Variants in CSMD1 observed in about 807,000 individuals in gnomAD.
The protein encoded by CSMD1 is CUB and Sushi multiple domains 1.
In CSMD1, 213 loss-of-function variants were observed where a neutral mutation model predicts 417.5. That is an observed-to-expected ratio of 0.51 (90% CI 0.46 to 0.57). The LOEUF (loss-of-function observed/expected upper bound fraction) is 0.57, where lower values mean the gene tolerates loss of function less well. Ranked by LOEUF, CSMD1 falls within the 20% of genes least tolerant of loss-of-function variation. The pLI is 0.00. For synonymous variants in CSMD1, 2,862 were observed against 1,736.8 expected, an observed-to-expected ratio of 1.65 and a Z score of -16.11; for missense variants, 6,923 against 4,529.7, an observed-to-expected ratio of 1.53 and a Z score of -15.17.
chr8:4,244,225 A>T (rs999822608), intron 3 of CSMD1, among the ~76,000 whole-genome samples: 1 of 152,286 alleles, frequency 6.6e-6, no homozygotes, highest in Admixed American at 6.5e-5. Context: ...AGCAACAGTA[A>T]CAGCTAGGCT....
chr8:3,422,848 T>A (rs541619082), intron 12 of CSMD1, among the ~76,000 whole-genome samples: 2 of 152,294 alleles, frequency 1.3e-5, no homozygotes, highest in South Asian at 4.1e-4. Context: ...ACAACTGCTC[T>A]CTGCTTCGAA....
intron 10 of CSMD1, among the ~76,000 whole-genome samples, chr8:3,558,570 T>TCCAAC (rs1799306551): frequency 7.1e-6 from 1 of 140,866 alleles, no homozygotes. Flanking sequence ...TGTCCACTCC[T>TCCAAC]GCAATGATGA....
chr8:3,152,070 G>C (rs1033271345), intron 39 of CSMD1, among the ~76,000 whole-genome samples: 1 of 152,190 alleles, frequency 6.6e-6, no homozygotes, highest in African/African-American at 2.4e-5. Flanking sequence ...TCTGGTTCCA[G>C]TACCCAAGTT....
chr8:4,758,725 C>A (rs959011777), intron 1 of CSMD1, among the ~76,000 whole-genome samples: 2 of 151,764 alleles, frequency 1.3e-5, no homozygotes, highest in Admixed American at 6.5e-5. Flanking sequence ...GTAAAAAGCC[C>A]AGGGGAAACT....
chr8:4,927,087 C>CATT (rs142803606), intron 1 of CSMD1, among the ~76,000 whole-genome samples: 62,735 of 143,214 alleles, frequency 0.44, 14,273 homozygotes, highest in East Asian at 0.62. Context: ...GCTTTCAATG[C>CATT]ATTATTATTA....
At chr8:3,044,187 G>A (rs1221014009) in intron 50 of CSMD1, among the ~76,000 whole-genome samples, 5 of 152,208 alleles carry the variant, frequency 3.3e-5, no homozygotes, top group Admixed American at 1.3e-4. Context: ...GTGAGCATTT[G>A]TAAATAACCA....
Position 2,957,849 on chromosome 8 carries a change from T to G in CSMD1, c.9703-42A>C, listed in dbSNP as rs116477376. On this transcript the variant is annotated intron_variant, in intron 62 of 69. Transcript: ENST00000635120. The stretch of plus-strand genomic sequence containing the variant: ...ATACTAGCTTCAGAGGCCAAGGGAA[T>G]ATACGAAGTGTCAACTAGTGATACC... 2,382 of 1,352,086 alleles carry G rather than the reference T, an allele frequency of 1.8e-3. 32 individuals carry two copies. The African/African-American group carries it at 0.028, about 16-fold the overall frequency. 83.8% of individuals were successfully genotyped at this position (1,352,086 alleles called of 1,614,324 possible).
intron 3 of CSMD1, among the ~76,000 whole-genome samples, chr8:4,298,842 A>G (rs1295321480): frequency 1.3e-5 from 2 of 152,066 alleles, no homozygotes; most frequent in Non-Finnish European, 2.9e-5. Flanking sequence ...ATAAAAAATT[A>G]TTTCTGGAAA....
chr8:4,635,843 G>A (rs1802783402), intron 2 of CSMD1, among the ~76,000 whole-genome samples: 1 of 152,088 alleles, frequency 6.6e-6, no homozygotes, highest in South Asian at 2.1e-4. Flanking sequence ...TGTAATAAAA[G>A]GACAGAGGAA....
chr8:3,013,362 C>T (rs1466382110), intron 52 of CSMD1, among the ~76,000 whole-genome samples: 1 of 152,182 alleles, frequency 6.6e-6, no homozygotes, highest in African/African-American at 2.4e-5. Flanking sequence ...CAACTTCCCA[C>T]AACTAGTTTC....
chr8:3,924,738 A>T (rs560507788), intron 5 of CSMD1, among the ~76,000 whole-genome samples: 1 of 151,448 alleles, frequency 6.6e-6, no homozygotes, highest in South Asian at 2.1e-4. Context: ...CTCTTTGTTG[A>T]ACTACTCATT....
At chr8:4,242,136 C>G (rs1802441577) in intron 3 of CSMD1, among the ~76,000 whole-genome samples, 1 of 152,168 alleles carries the variant, frequency 6.6e-6, no homozygotes, top group African/African-American at 2.4e-5. Context: ...ATATGTCTTT[C>G]TTAGCATATA....
chr8:3,684,542 G>C (rs11786876), intron 7 of CSMD1, among the ~76,000 whole-genome samples: 2 of 150,246 alleles, frequency 1.3e-5, no homozygotes, highest in Non-Finnish European at 3.0e-5. Context: ...GAAACAAATG[G>C]CACTGTCTTT....
intron 52 of CSMD1, among the ~76,000 whole-genome samples, chr8:3,015,269 T>C (rs921927686): frequency 6.6e-6 from 1 of 152,192 alleles, no homozygotes; most frequent in Non-Finnish European, 1.5e-5. Context: ...TAAAAACGCA[T>C]TGCATTCTCT....
intron 3 of CSMD1, among the ~76,000 whole-genome samples, chr8:4,077,745 C>G (rs377039958): frequency 6.6e-6 from 1 of 152,160 alleles, no homozygotes; most frequent in Non-Finnish European, 1.5e-5. Context: ...ATTCTCTTGT[C>G]CCAATGCTAT....
chr8:4,526,243 G>A (rs183879839), intron 2 of CSMD1, among the ~76,000 whole-genome samples: 2 of 152,304 alleles, frequency 1.3e-5, no homozygotes, highest in African/African-American at 4.8e-5. Flanking sequence ...TACTAGACAA[G>A]AGATTCCCAT....
Position 2,962,504 on chromosome 8 carries a change from G to A in CSMD1, c.9590C>T (p.Ala3197Val), listed in dbSNP as rs1563184086. The change falls in exon 61 of 70, where the codon GCT (alanine) becomes GTT (valine). Residue 3197 changes from alanine (A) to valine (V), a missense_variant. Coordinates refer to ENST00000635120, the MANE Select transcript of CSMD1 (RefSeq NM_033225.6). ...LVGSSRRVCQADGTWSGIQPT... is the reference protein window; with the variant it reads ...LVGSSRRVCQVDGTWSGIQPT... ...TTGTATGCCGCTCCACGTGCCGTCA[G>A]CTTGGCAGACTCTTCTGGAGGATCC... 1 of 1,613,908 alleles carries A rather than the reference G, an allele frequency of 6.2e-7. No homozygotes were observed.
At chr8:4,107,532 G>C (rs1036647312) in intron 3 of CSMD1, among the ~76,000 whole-genome samples, 1 of 152,154 alleles carries the variant, frequency 6.6e-6, no homozygotes, top group African/African-American at 2.4e-5. Context: ...TTGATATCTG[G>C]GCTAATTTTT....
chr8:4,195,941 G>A (rs1368346746), intron 3 of CSMD1, among the ~76,000 whole-genome samples: 1 of 152,110 alleles, frequency 6.6e-6, no homozygotes, highest in African/African-American at 2.4e-5. Flanking sequence ...GCCGGGCGCG[G>A]TGGCTCACGC....
Sources: gnomAD v4.1 joint callset for allele counts (sites outside exome capture counted in the v4.1 genomes callset) on GRCh38, gnomAD v4.1.1 for gene constraint, MANE v1.5 for transcripts, NCBI Gene and HGNC (gene_info 2026-07-23, HGNC 2026-07-21) for gene names.